PCNT: variants seen among roughly 807,000 people sequenced by gnomAD.
PCNT encodes kendrin.
PCNT carries 319 observed loss-of-function variants against 380.4 expected under a neutral mutation model. The ratio of observed to expected loss-of-function variants is 0.84; its 90% CI spans 0.77 to 0.92. PCNT has a LOEUF of 0.92. Among genes scored for constraint, PCNT ranks in the 40% least tolerant of loss-of-function variants. PCNT has a pLI of 0.00. For missense variants in PCNT, 4,400 were observed against 4,255.3 expected (o/e 1.03, Z -0.95); for synonymous variants, 1,845 against 1,735.2 (o/e 1.06, Z -1.57).
chr21:46,423,997 T>C (rs2087382578), intron 32 of PCNT, among the ~76,000 whole-genome samples: 1 of 152,152 alleles, frequency 6.6e-6, no homozygotes, highest in Non-Finnish European at 1.5e-5. Flanking sequence ...ATTTCTGGCC[T>C]GTGTTTTAGA....
At chr21:46,421,834 T>C (rs1030038570) in intron 31 of PCNT, 136 bp from the exon 32 acceptor site, 2 of 977,836 alleles carry the variant, frequency 2.0e-6, no homozygotes, top group Non-Finnish European at 1.6e-6. Flanking sequence ...ATCAGTGTTT[T>C]CTCCGTGAGC....
intron 9 of PCNT, 90 bp from the exon 10 acceptor site, chr21:46,353,014 C>T (rs531709826): frequency 9.3e-7 from 1 of 1,072,350 alleles, no homozygotes; most frequent in Admixed American, 1.9e-5. Flanking sequence ...GAGTTCTGCC[C>T]CCACCACAGG....
Position 46,353,986 on chromosome 21 carries a change from G to C in PCNT, c.1680-1G>C. On this transcript the variant is annotated splice_acceptor_variant, in intron 10 of 46. Transcript: ENST00000359568. LOFTEE classifies it high-confidence loss of function. ...GCTTTTATAAAATGTTTTCCCTTCA[G>C]GTTGTCCTGTGTGGGTTTAGAAGAG... 5 of 1,613,296 alleles carry C rather than the reference G, an allele frequency of 3.1e-6. No homozygotes were observed. Among genetic ancestry groups the C allele is most frequent in the Non-Finnish European group, 4.2e-6 (5 of 1,179,236 alleles).
chr21:46,393,234 C>A (rs1239435409), intron 21 of PCNT, among the ~76,000 whole-genome samples: 1 of 152,210 alleles, frequency 6.6e-6, no homozygotes, highest in East Asian at 1.9e-4. Context: ...CTTCCTCCAC[C>A]AGTGAAGTGG....
chr21:46,372,786 C>G (rs1251142958), intron 15 of PCNT, among the ~76,000 whole-genome samples: 2 of 152,134 alleles, frequency 1.3e-5, no homozygotes, highest in Non-Finnish European at 2.9e-5. Flanking sequence ...TGGGTGCTGC[C>G]CAGTGTGGAC....
intron 15 of PCNT, among the ~76,000 whole-genome samples, chr21:46,375,217 A>T (rs953608954): frequency 2.0e-5 from 3 of 152,188 alleles, no homozygotes; most frequent in Admixed American, 6.5e-5. Context: ...GCAGAAGTGA[A>T]TCGCATGCGG....
chr21:46,444,574 A>T, intron 45 of PCNT, 120 bp from the exon 46 acceptor site: 1 of 1,047,148 alleles, frequency 9.5e-7, no homozygotes, highest in Non-Finnish European at 1.4e-6. Context: ...ACCCATCCCC[A>T]CGGGTCTGGT....
intron 31 of PCNT, among the ~76,000 whole-genome samples, chr21:46,420,216 C>T (rs2087194831): frequency 6.6e-6 from 1 of 152,194 alleles, no homozygotes; most frequent in Non-Finnish European, 1.5e-5. Context: ...GTTCGTCCTT[C>T]CTCCATTCAC....
intron 32 of PCNT, among the ~76,000 whole-genome samples, chr21:46,423,163 A>AT (rs67866533): frequency 0.49 from 71,191 of 146,288 alleles, 18,208 homozygotes; most frequent in East Asian, 0.64. Flanking sequence ...GAAATTGGAG[A>AT]TTTTTTTTTT....
In PCNT at chr21:46,324,177, GCT is replaced by G. The variant is rs1358276716; in HGVS notation, c.-49_-48del. ...AGGGAGTGTAAATAGAGCGAAGGCTGCTCTGTGTCAGCCCCGTCACCGCCGGG... is the reference window on the plus strand; with the variant it reads ...AGGGAGTGTAAATAGAGCGAAGGCTGCTGTGTCAGCCCCGTCACCGCCGGG... On this transcript the variant is annotated 5_prime_UTR_variant, in exon 1 of 47. Transcript: ENST00000359568. 223 of 1,503,262 alleles carry G rather than the reference GCT, an allele frequency of 1.5e-4. No individual in the cohort carries two copies. Among genetic ancestry groups the G allele is most frequent in the Non-Finnish European group, 1.9e-4 (202 of 1,089,374 alleles). The allele number at this position is 1,503,262 out of a possible 1,614,324, so 93.1% of individuals were successfully genotyped here.
At chr21:46,370,376 A>G (rs2085075080) in intron 15 of PCNT, among the ~76,000 whole-genome samples, 1 of 151,318 alleles carries the variant, frequency 6.6e-6, no homozygotes, top group Non-Finnish European at 1.5e-5. Flanking sequence ...AGTGGAGGCG[A>G]TTCAGAGCCT....
At chr21:46,361,867 C>G (rs1015752126) in intron 13 of PCNT, among the ~76,000 whole-genome samples, 1 of 152,140 alleles carries the variant, frequency 6.6e-6, no homozygotes, top group Admixed American at 6.5e-5. Context: ...TAAAATCCTT[C>G]TCTGCAGATT....
intron 37 of PCNT, 30 bp from the exon 38 acceptor site, chr21:46,431,499 T>C (rs1476578939): frequency 1.2e-6 from 2 of 1,613,836 alleles, no homozygotes; most frequent in Admixed American, 1.7e-5. Flanking sequence ...CTTGATTCAG[T>C]GTCTCCCATC....
chr21:46,432,365 T>A lies in PCNT; in HGVS notation c.8751+150T>A, dbSNP rs1411801761. The A allele has an allele frequency of 4.0e-6, 3 of 746,950 alleles. No individual in the cohort carries two copies. The Admixed American group carries it at 6.6e-5, about 16-fold the overall frequency. The allele number at this position is 746,950 out of a possible 1,614,324, so 46.3% of individuals were successfully genotyped here. On this transcript the variant is annotated intron_variant, in intron 38 of 46. Coordinates refer to ENST00000359568, the MANE Select transcript of PCNT (RefSeq NM_006031.6). ...TGCCCTGACGCTGGCACCACACTGC[T>A]GTTACTGTAGCTTTCTAGAAAGTAT...
intron 3 of PCNT, among the ~76,000 whole-genome samples, chr21:46,338,709 G>A (rs1396137581): frequency 4.0e-5 from 6 of 151,312 alleles, no homozygotes; most frequent in East Asian, 1.9e-4. Flanking sequence ...GGGCTCAAGC[G>A]ATTCTCCTGC....
chr21:46,369,922 C>T (rs1212634957), intron 15 of PCNT, among the ~76,000 whole-genome samples: 2 of 152,206 alleles, frequency 1.3e-5, no homozygotes, highest in East Asian at 3.9e-4. Context: ...GATGCAGGAG[C>T]ATCAAGCAGG....
intron 32 of PCNT, among the ~76,000 whole-genome samples, chr21:46,423,167 T>TG (rs1031490782): frequency 6.6e-6 from 1 of 151,912 alleles, no homozygotes. Flanking sequence ...TTGGAGATTT[T>TG]TTTTTTAATC....
rs929336946 is a variant in PCNT, at chr21:46,424,752, C to T, written c.7180-1079C>T. ...CTGCTCCCCCAGCCACGGCCTTGCT[C>T]CCCCCGTCTCCGCTCCTCCCCGCAC... On this transcript the variant is annotated intron_variant, in intron 32 of 46. Transcript: ENST00000359568. Among the ~76,000 whole-genome samples the T allele has an allele frequency of 3.1e-3, 434 of 140,406 alleles. 3 individuals carry two copies. Among genetic ancestry groups the T allele is most frequent in the Non-Finnish European group, 3.5e-3 (225 of 64,564 alleles). 92.1% of individuals were successfully genotyped at this position (140,406 alleles called of 152,430 possible). A position where few individuals can be genotyped will look rare whatever the true frequency, so the allele number is the denominator to read the frequency against.
At chr21:46,377,441 A>T (rs1457096586) in intron 15 of PCNT, among the ~76,000 whole-genome samples, 1 of 152,224 alleles carries the variant, frequency 6.6e-6, no homozygotes, top group Non-Finnish European at 1.5e-5. Context: ...ATTGTCTTAA[A>T]ACTGAGCTTT....
Sources: allele counts gnomAD v4.1 joint callset (sites outside exome capture counted in the v4.1 genomes callset), GRCh38; gene constraint gnomAD v4.1.1; transcripts MANE v1.5; gene names NCBI Gene and HGNC (gene_info 2026-07-23, HGNC 2026-07-21).